Variants in CD74 observed in about 807,000 individuals in gnomAD.
CD74 encodes the protein HLA class II histocompatibility antigen gamma chain.
In CD74, 20 loss-of-function variants were observed where a neutral mutation model predicts 37.1. The observed-to-expected ratio is 0.54, with a 90% confidence interval of 0.38 to 0.78. The LOEUF (loss-of-function observed/expected upper bound fraction) is 0.78. Ranked by LOEUF, CD74 falls within the 30% of genes least tolerant of loss-of-function variation. The probability of loss-of-function intolerance (pLI) is 0.00; values close to 1 mark genes in which losing one functional copy is unlikely to be tolerated. For synonymous variants in CD74, 150 were observed against 152.0 expected (o/e 0.99, Z 0.10); for missense variants, 338 against 389.5 (o/e 0.87, Z 1.11).
rs773888171 is a variant in CD74, at chr5:150,402,579, C to T, written c.864G>A (p.Lys288=). The T allele has an allele frequency of 8.7e-6, 14 of 1,613,920 alleles. No individual in the cohort carries two copies. The highest frequency in any genetic ancestry group is 1.6e-4 in the Middle Eastern group (1 of 6,080). ...GGCCCTTACCTGGGCCCAGATCCTG[C>T]TTGGTCACACCCAGCCCAGAAGACG... The part of the protein sequence containing the change: ...EDPSSGLGVT[K]QDLGPVPM The change falls in exon 8 of 9, where the codon AAG becomes AAA. Residue 288 remains lysine (K), a synonymous_variant. Coordinates refer to ENST00000009530, the MANE Select transcript of CD74 (RefSeq NM_001025159.3). The surrounding 1 kb of genome is among the most constrained non-coding windows in gnomAD (Gnocchi z 4.2).
rs1770009549 is a variant in CD74 at position 150,407,055 on chromosome 5, G to C, written c.299-95C>G. 6.5e-7 allele frequency: 1 copy of C among 1,544,494 alleles called. No homozygotes were observed. The highest frequency in any genetic ancestry group is 8.9e-7 in the Non-Finnish European group (1 of 1,127,846). ...GAAGGGCTGGAATTCCAAACCGGAG[G>C]GAGAGGACAGTGGGCCCAGCTGGGT... On this transcript the variant is annotated intron_variant, in intron 2 of 8. Transcript: ENST00000009530. The surrounding 1 kb of genome is among the most constrained non-coding windows in gnomAD (Gnocchi z 4.4).
chr5:150,405,036 C>G, intron 5 of CD74, 49 bp downstream of exon 5: 1 of 1,561,616 alleles, frequency 6.4e-7, no homozygotes, highest in Admixed American at 1.7e-5. Context: ...TAGCCCTGCC[C>G]TAGACACCAG....
rs888250424 is a variant in CD74, at chr5:150,412,854, A to C, written c.-105T>G. ...CCCACTTGGTAGATGTGGAAGTGAA[A>C]GCTACAAAGGCTGGAAATACCCCAC... On this transcript the variant is annotated 5_prime_UTR_variant, in exon 1 of 9. Transcript: ENST00000009530. The C allele has an allele frequency of 1.3e-6, 2 of 1,567,046 alleles. No individual in the cohort carries two copies. Among genetic ancestry groups the C allele is most frequent in the Non-Finnish European group, 1.7e-6 (2 of 1,158,448 alleles).
chr5:150,406,789 G>A, intron 3 of CD74, 92 bp downstream of exon 3: 1 of 837,136 alleles, frequency 1.2e-6, no homozygotes, highest in Non-Finnish European at 1.8e-6. Context: ...CCCCTCCCCA[G>A]GTGGGCTCTC....
rs376172532 is a variant in CD74, at chr5:150,404,971, A to T, written c.537+114T>A. 1,015 of 1,063,424 alleles carry T rather than the reference A, an allele frequency of 9.5e-4. 15 individuals are homozygous for T. The South Asian group carries it at 0.013, about 13-fold the overall frequency. The allele number at this position is 1,063,424 out of a possible 1,614,324, so 65.9% of individuals were successfully genotyped here. ...ATCCAGGTTTTGGAAGTGCTGGTAAACCCCTTCAGCTTCCTGAGAATGGCT... is the reference window on the plus strand; with the variant it reads ...ATCCAGGTTTTGGAAGTGCTGGTAATCCCCTTCAGCTTCCTGAGAATGGCT... On this transcript the variant is annotated intron_variant, in intron 5 of 8. Coordinates refer to ENST00000009530, the MANE Select transcript of CD74 (RefSeq NM_001025159.3).
rs1478994274 is a variant in CD74, at chr5:150,407,133, GA to G, written c.298+18del. On this transcript the variant is annotated intron_variant, in intron 2 of 8. Coordinates refer to ENST00000009530, the MANE Select transcript of CD74 (RefSeq NM_001025159.3). This position sits in a 1 kb window ranked among gnomAD's most constrained non-coding sequence, Gnocchi z 4.4. Reference sequence around the variant, plus strand: ...GATGGTGGGAGGTGGGGGGTATCAGGATGTAGGGGTGCACGCACGCTTGGGA... The same window carrying G: ...GATGGTGGGAGGTGGGGGGTATCAGGTGTAGGGGTGCACGCACGCTTGGGA... The G allele has an allele frequency of 6.2e-7, 1 of 1,609,470 alleles. No individual in the cohort carries two copies. The highest frequency in any genetic ancestry group is 1.3e-5 in the African/African-American group (1 of 74,802).
intron 1 of CD74, among the ~76,000 whole-genome samples, chr5:150,410,612 C>G (rs55739508): frequency 5.3e-5 from 8 of 150,708 alleles, no homozygotes; most frequent in African/African-American, 2.0e-4. Context: ...TCCCCTGGTT[C>G]TGGTAGAGTG....
At position 150,412,836 on chromosome 5, in the gene CD74, G is replaced by C. The variant is rs1770429152; in HGVS notation, c.-87C>G. On this transcript the variant is annotated 5_prime_UTR_variant, in exon 1 of 9. Coordinates refer to ENST00000009530, the MANE Select transcript of CD74 (RefSeq NM_001025159.3). ...CCACAGAAGGCCACTCCGCCCACTT[G>C]GTAGATGTGGAAGTGAAAGCTACAA... 6.3e-7 allele frequency: 1 copy of C among 1,585,436 alleles called. No individual in the cohort carries two copies. The highest frequency in any genetic ancestry group is 2.2e-5 in the East Asian group (1 of 44,466).
Position 150,407,911 on chromosome 5 carries a change from C to T in CD74, c.126-587G>A, listed in dbSNP as rs1027621185. Among the ~76,000 whole-genome samples, 6 of 152,074 alleles carry T rather than the reference C, an allele frequency of 3.9e-5. No homozygotes were observed. The highest frequency in any genetic ancestry group is 7.4e-5 in the Non-Finnish European group (5 of 67,990). On this transcript the variant is annotated intron_variant, in intron 1 of 8. Transcript: ENST00000009530. This position sits in a 1 kb window ranked among gnomAD's most constrained non-coding sequence, Gnocchi z 4.4. ...CTGGGACTACAGGCACCCGCCACCA[C>T]GCCTGGCTAATTATTTTGTATTTTT... is the stretch of plus-strand genomic sequence containing the variant.
chr5:150,407,325 C>G lies in CD74; in HGVS notation c.126-1G>C. The G allele has an allele frequency of 6.2e-7, 1 of 1,604,346 alleles. No individual in the cohort carries two copies. Among genetic ancestry groups the G allele is most frequent in the Middle Eastern group, 1.7e-4 (1 of 5,724 alleles). ...GTACAGGGCTCCGCGGCTGCACTTG[C>G]TGTGGGAGGTGGGGAGGATAGGTCA... On this transcript the variant is annotated splice_acceptor_variant, in intron 1 of 8. Coordinates refer to ENST00000009530, the MANE Select transcript of CD74 (RefSeq NM_001025159.3). LOFTEE classifies it high-confidence loss of function. This position sits in a 1 kb window ranked among gnomAD's most constrained non-coding sequence, Gnocchi z 4.4.
At chr5:150,408,652 C>T (rs1401851845) in intron 1 of CD74, among the ~76,000 whole-genome samples, 1 of 152,082 alleles carries the variant, frequency 6.6e-6, no homozygotes, top group Admixed American at 6.5e-5. Flanking sequence ...GACTTGGATG[C>T]GACTGGGGGG....
At position 150,412,850 on chromosome 5, in the gene CD74, T is replaced by G. The variant is rs1271821327; in HGVS notation, c.-101A>C. 56 of 1,570,854 alleles carry G rather than the reference T, an allele frequency of 3.6e-5. No homozygotes were observed. Among genetic ancestry groups the G allele is most frequent in the Non-Finnish European group, 4.7e-5 (55 of 1,159,728 alleles). ...TCCGCCCACTTGGTAGATGTGGAAG[T>G]GAAAGCTACAAAGGCTGGAAATACC... On this transcript the variant is annotated 5_prime_UTR_variant, in exon 1 of 9. Coordinates refer to ENST00000009530, the MANE Select transcript of CD74 (RefSeq NM_001025159.3).
chr5:150,408,058 T>C (rs1430856952), intron 1 of CD74, among the ~76,000 whole-genome samples: 1 of 152,022 alleles, frequency 6.6e-6, no homozygotes, highest in Non-Finnish European at 1.5e-5. Flanking sequence ...TTTTGTTTTT[T>C]TTTTCTGCTG....
At position 150,407,573 on chromosome 5, in the gene CD74, G is replaced by A. The variant is rs541453257; in HGVS notation, c.126-249C>T. Reference sequence around the variant, plus strand: ...CTGGCAGAGACCCTGCAGCTGCCACGGGCCTGAGTTGAACAGAGAAGAGCA... The same window carrying A: ...CTGGCAGAGACCCTGCAGCTGCCACAGGCCTGAGTTGAACAGAGAAGAGCA... On this transcript the variant is annotated intron_variant, in intron 1 of 8. Transcript: ENST00000009530. The surrounding 1 kb of genome is among the most constrained non-coding windows in gnomAD (Gnocchi z 4.4). Among the ~76,000 whole-genome samples the A allele has an allele frequency of 2.0e-4, 31 of 152,140 alleles. No homozygotes were observed. Among genetic ancestry groups the A allele is most frequent in the African/African-American group, 7.0e-4 (29 of 41,494 alleles).
intron 1 of CD74, among the ~76,000 whole-genome samples, chr5:150,412,347 G>C (rs1289151580): frequency 1.3e-5 from 2 of 152,248 alleles, no homozygotes; most frequent in African/African-American, 4.8e-5. Flanking sequence ...AAACTCTAGG[G>C]AGAGAACCCA....
rs760081229 is a variant in CD74, at chr5:150,407,123, G to C, written c.298+29C>G. On this transcript the variant is annotated intron_variant, in intron 2 of 8. Coordinates refer to ENST00000009530, the MANE Select transcript of CD74 (RefSeq NM_001025159.3). The surrounding 1 kb of genome is among the most constrained non-coding windows in gnomAD (Gnocchi z 4.4). The stretch of plus-strand genomic sequence containing the variant: ...TGAGTTGAGGGATGGTGGGAGGTGG[G>C]GGGTATCAGGATGTAGGGGTGCACG... 1 of 1,602,322 alleles carries C rather than the reference G, an allele frequency of 6.2e-7. No homozygotes were observed. Among genetic ancestry groups the C allele is most frequent in the Non-Finnish European group, 8.5e-7 (1 of 1,171,210 alleles).
intron 3 of CD74, chr5:150,406,668 C>T: frequency 1.7e-6 from 1 of 586,680 alleles, no homozygotes; most frequent in Non-Finnish European, 3.1e-6. Context: ...CTGTAGAGGG[C>T]TGAGCCTTCC....
Position 150,401,808 on chromosome 5 carries a change from G to A in CD74, c.*432C>T, listed in dbSNP as rs1769628302. 3 of 625,912 alleles carry A rather than the reference G, an allele frequency of 4.8e-6. No individual in the cohort carries two copies. The highest frequency in any genetic ancestry group is 8.6e-6 in the Non-Finnish European group (3 of 348,622). The allele number at this position is 625,912 out of a possible 1,614,324, so 38.8% of individuals were successfully genotyped here. A position where few individuals can be genotyped will look rare whatever the true frequency, so the allele number is the denominator to read the frequency against. On this transcript the variant is annotated 3_prime_UTR_variant, in exon 9 of 9. Transcript: ENST00000009530. ...AGGGAAGAGAGTGGCTCAGCCTGCA[G>A]GTAAATAGGCTAGAAAAGCCAAGGC...
At position 150,402,005 on chromosome 5, in the gene CD74, C is replaced by G; in HGVS notation, c.*235G>C. 1 of 1,524,618 alleles carries G rather than the reference C, an allele frequency of 6.6e-7. No homozygotes were observed. The highest frequency in any genetic ancestry group is 1.2e-5 in the South Asian group (1 of 83,866). The allele number at this position is 1,524,618 out of a possible 1,614,324, so 94.4% of individuals were successfully genotyped here. On this transcript the variant is annotated 3_prime_UTR_variant, in exon 9 of 9. Transcript: ENST00000009530. The surrounding 1 kb of genome is among the most constrained non-coding windows in gnomAD (Gnocchi z 4.2). Reference sequence around the variant, plus strand: ...GATCTGTCTAGCTTTTGGCCACTTCCTGGGACCTCACGCCCCTGTTGACAG... The same window carrying G: ...GATCTGTCTAGCTTTTGGCCACTTCGTGGGACCTCACGCCCCTGTTGACAG...
Sources: gnomAD v4.1 joint callset for allele counts (sites outside exome capture counted in the v4.1 genomes callset) on GRCh38, gnomAD v4.1.1 for gene constraint, Gnocchi (gnomAD v3.1) non-coding constraint, MANE v1.5 for transcripts, NCBI Gene and HGNC (gene_info 2026-07-23, HGNC 2026-07-21) for gene names.